Variants in RNF17 observed in about 807,000 individuals in gnomAD.
RNF17 encodes the protein spermatogenesis associated 23.
RNF17 carries 31 observed loss-of-function variants against 200.5 expected under a neutral mutation model. The observed-to-expected ratio is 0.15, with a 90% confidence interval of 0.12 to 0.21. The LOEUF (loss-of-function observed/expected upper bound fraction) is 0.21, where lower values mean the gene tolerates loss of function less well. RNF17 is among the 10% of genes least tolerant of loss of function. The pLI is 1.00. For synonymous variants in RNF17, 606 were observed against 637.8 expected (o/e 0.95, Z 0.75); for missense variants, 1,628 against 1,905.1 (o/e 0.85, Z 2.71).
At chr13:24,872,735 G>C (rs1894426572) in intron 32 of RNF17, among the ~76,000 whole-genome samples, 1 of 152,184 alleles carries the variant, frequency 6.6e-6, no homozygotes, top group Admixed American at 6.5e-5. Flanking sequence ...CTAGGGCTTT[G>C]TTGGTCATGT....
intron 15 of RNF17, among the ~76,000 whole-genome samples, chr13:24,810,820 C>G (rs1302616489): frequency 1.3e-5 from 2 of 148,486 alleles, no homozygotes; most frequent in Non-Finnish European, 3.0e-5. Flanking sequence ...TTCAGGAGCT[C>G]TTTTAGGGCA....
At chr13:24,767,198 TG>T in intron 1 of RNF17, 73 bp from the exon 2 acceptor site, 1 of 1,026,590 alleles carries the variant, frequency 9.7e-7, no homozygotes. Flanking sequence ...CACTCCAGCT[TG>T]GGCAACAGAG....
Position 24,797,705 on chromosome 13 carries a change from A to AGTTTGTGTGTGTGT in RNF17, c.1399+1412_1399+1413insTTGTGTGTGTGTGT, listed in dbSNP as rs59493601. Among the ~76,000 whole-genome samples the AGTTTGTGTGTGTGT allele has an allele frequency of 4.5e-3, 539 of 119,078 alleles. 14 individuals are homozygous for AGTTTGTGTGTGTGT. The highest frequency in any genetic ancestry group is 0.016 in the African/African-American group (493 of 31,266). 78.1% of individuals were successfully genotyped at this position (119,078 alleles called of 152,430 possible). A position where few individuals can be genotyped will look rare whatever the true frequency, so the allele number is the denominator to read the frequency against. ...GAGAGAGAGAGAGAGAGAGACAAAG[A>AGTTTGTGTGTGTGT]GTGTGTGTGTGTGTGTGTGTGTGTG... On this transcript the variant is annotated intron_variant, in intron 11 of 35. Coordinates refer to ENST00000255324, the MANE Select transcript of RNF17 (RefSeq NM_031277.3).
intron 9 of RNF17, among the ~76,000 whole-genome samples, chr13:24,791,170 G>A (rs774663743): frequency 1.2e-4 from 19 of 152,214 alleles, no homozygotes; most frequent in South Asian, 6.2e-4. Flanking sequence ...ATTATTTGGC[G>A]TAAGAGGATG....
rs759717303 is a variant in RNF17, at chr13:24,877,062, G to A, written c.4649G>A (p.Gly1550Glu). The change falls in exon 34 of 36, where the codon GGG becomes GAG. Residue 1550 changes from glycine (G) to glutamate (E), a missense_variant. Coordinates refer to ENST00000255324, the MANE Select transcript of RNF17 (RefSeq NM_031277.3). ...PARAIKVLLA[G>E]FKPPLRDLGE... is the part of the protein sequence containing the mutation. ...CGAGCCATAAAGGTTCTCTTGGCAG[G>A]GTTTAAACCTCCCTTAAGGGATCTA... The A allele has an allele frequency of 6.2e-7, 1 of 1,613,086 alleles. No individual in the cohort carries two copies. Among genetic ancestry groups the A allele is most frequent in the South Asian group, 1.1e-5 (1 of 90,848 alleles).
chr13:24,783,068 G>A (rs891227817), intron 6 of RNF17, among the ~76,000 whole-genome samples: 8 of 152,024 alleles, frequency 5.3e-5, no homozygotes, highest in African/African-American at 1.9e-4. Context: ...GTTAATTTTT[G>A]TGTATGGCAT....
At chr13:24,779,993 A>G (rs1436523288) in intron 5 of RNF17, among the ~76,000 whole-genome samples, 2 of 152,172 alleles carry the variant, frequency 1.3e-5, no homozygotes, top group Non-Finnish European at 2.9e-5. Flanking sequence ...TATGAGCTGA[A>G]TTTTGTCTCA....
chr13:24,790,424 T>A (rs529956501), intron 9 of RNF17, among the ~76,000 whole-genome samples: 57 of 152,262 alleles, frequency 3.7e-4, no homozygotes, highest in African/African-American at 1.3e-3. Flanking sequence ...TCCAGTATAG[T>A]AGCCACTAAT....
chr13:24,859,052 T>C lies in RNF17; in HGVS notation c.3662T>C (p.Leu1221Pro). 6.2e-7 allele frequency: 1 copy of C among 1,605,744 alleles called. No individual in the cohort carries two copies. The highest frequency in any genetic ancestry group is 8.5e-7 in the Non-Finnish European group (1 of 1,173,010). Residue 1221 changes from leucine (L) to proline (P), a missense_variant, in exon 26 of 36, where the codon CTT becomes CCT. By Grantham distance (98) the Leu-to-Pro change is moderately conservative. Around this residue, in one of 5 missense-constraint regions of RNF17, gnomAD observed 609 missense variants for 681.9 expected, o/e 0.89. Transcript: ENST00000255324. ...GAAATTCAAAGTAATTTAAAATGCC[T>C]TGGTCTTTTGGAGCCTTATTTCTGG... The part of the protein sequence containing the change: ...TNEIQSNLKC[L>P]GLLEPYFWKK...
chr13:24,860,477 A>T (rs1249504472), intron 26 of RNF17, among the ~76,000 whole-genome samples: 1 of 152,192 alleles, frequency 6.6e-6, no homozygotes, highest in Non-Finnish European at 1.5e-5. Context: ...ATTAAGAAAT[A>T]AATGTCTCGT....
At chr13:24,760,825 T>C (rs1050897414), upstream of RNF17, among the ~76,000 whole-genome samples, 2 of 152,090 alleles carry the variant, frequency 1.3e-5, no homozygotes, top group African/African-American at 4.8e-5. Flanking sequence ...AAATAGACAT[T>C]TCTCAAAAGA....
the RNF17 span, among the ~76,000 whole-genome samples, chr13:24,749,046 G>A: frequency 1.1e-4 from 17 of 152,074 alleles, no homozygotes; most frequent in Admixed American, 4.6e-4. Context: ...GAGTCACTGC[G>A]CCCAGCCAAG....
At position 24,870,560 on chromosome 13, in the gene RNF17, TC is replaced by T. The variant is rs745839658; in HGVS notation, c.4279-7del. On this transcript the variant is annotated splice_polypyrimidine_tract_variant and intron_variant, in intron 31 of 35. Coordinates refer to ENST00000255324, the MANE Select transcript of RNF17 (RefSeq NM_031277.3). ...GAATCTGAAAGTTTTCCTTTCATTC[TC>T]CCCACTTAGGTGTATATTTGCCTTG... 1 of 1,597,864 alleles carries T rather than the reference TC, an allele frequency of 6.3e-7. No individual in the cohort carries two copies. Among genetic ancestry groups the T allele is most frequent in the Non-Finnish European group, 8.5e-7 (1 of 1,172,282 alleles).
chr13:24,845,456 A>G (rs1216256711), intron 22 of RNF17, among the ~76,000 whole-genome samples: 1 of 152,228 alleles, frequency 6.6e-6, no homozygotes, highest in African/African-American at 2.4e-5. Context: ...GAATCCCACT[A>G]TAAAAACAGC....
At chr13:24,881,646 AGATAT>A (rs1055915441), downstream of RNF17, among the ~76,000 whole-genome samples, 4 of 150,500 alleles carry the variant, frequency 2.7e-5, no homozygotes, top group Admixed American at 6.6e-5. Context: ...ATATCTAGAT[AGATAT>A]ATCTAGATAA....
chr13:24,797,705 A>AGTTTGTGTGTCTGT lies in RNF17; in HGVS notation c.1399+1412_1399+1413insTTGTGTGTCTGTGT, dbSNP rs59493601. Among the ~76,000 whole-genome samples, 618 of 119,070 alleles carry AGTTTGTGTGTCTGT rather than the reference A, an allele frequency of 5.2e-3. 11 individuals are homozygous for AGTTTGTGTGTCTGT. Among genetic ancestry groups the AGTTTGTGTGTCTGT allele is most frequent in the African/African-American group, 0.011 (357 of 31,270 alleles). 78.1% of individuals were successfully genotyped at this position (119,070 alleles called of 152,430 possible). A position where few individuals can be genotyped will look rare whatever the true frequency, so the allele number is the denominator to read the frequency against. On this transcript the variant is annotated intron_variant, in intron 11 of 35. Coordinates refer to ENST00000255324, the MANE Select transcript of RNF17 (RefSeq NM_031277.3). ...GAGAGAGAGAGAGAGAGAGACAAAG[A>AGTTTGTGTGTCTGT]GTGTGTGTGTGTGTGTGTGTGTGTG...
intron 10 of RNF17, among the ~76,000 whole-genome samples, chr13:24,794,500 CCT>C (rs1341521277): frequency 6.6e-6 from 1 of 151,974 alleles, no homozygotes; most frequent in African/African-American, 2.4e-5. Flanking sequence ...ATGGTGAAAC[CCT>C]GTCTCTACAA....
At chr13:24,884,520 A>G, downstream of RNF17, 1 of 1,549,916 alleles carries the variant, frequency 6.5e-7, no homozygotes, top group Non-Finnish European at 8.9e-7. Flanking sequence ...AAGTATGGCT[A>G]ATTCTCCTCC....
chr13:24,815,666 GTTTGTC>G (rs1409111090), intron 15 of RNF17, among the ~76,000 whole-genome samples: 4 of 152,118 alleles, frequency 2.6e-5, no homozygotes, highest in Admixed American at 2.6e-4. Flanking sequence ...AGGGAAAAGC[GTTTGTC>G]TTTGACCATT....
Sources: gnomAD v4.1 joint callset for allele counts (sites outside exome capture counted in the v4.1 genomes callset) on GRCh38, gnomAD v4.1.1 for gene constraint, gnomAD v4.1.1 regional missense constraint, MANE v1.5 for transcripts, NCBI Gene and HGNC (gene_info 2026-07-23, HGNC 2026-07-21) for gene names.